DICER1: variants seen among roughly 807,000 people sequenced by gnomAD.
DICER1 encodes the protein endoribonuclease Dicer.
Under a neutral mutation model 194.1 loss-of-function variants are expected in DICER1, and 43 were observed. The observed-to-expected ratio is 0.22, with a 90% confidence interval of 0.17 to 0.29. DICER1 has a LOEUF of 0.29. Ranked by LOEUF, DICER1 falls within the 10% of genes least tolerant of loss-of-function variation. The probability of loss-of-function intolerance (pLI) is 1.00; values close to 1 mark genes in which losing one functional copy is unlikely to be tolerated. For synonymous variants in DICER1, 832 were observed against 820.5 expected (o/e 1.01, Z -0.24); for missense variants, 1,608 against 2,317.0 (o/e 0.69, Z 6.28).
At chr14:95,108,265 T>C (rs1423859642) in intron 15 of DICER1, 59 bp downstream of exon 15, 1 of 1,539,758 alleles carries the variant, frequency 6.5e-7, no homozygotes, top group Non-Finnish European at 9.0e-7. Flanking sequence ...TAGTTTTTTT[T>C]TTTTTCCTTT....
chr14:95,105,794 T>G lies in DICER1; in HGVS notation c.2988-11A>C. The G allele has an allele frequency of 6.2e-7, 1 of 1,607,206 alleles. No homozygotes were observed. The highest frequency in any genetic ancestry group is 8.5e-7 in the Non-Finnish European group (1 of 1,173,802). On this transcript the variant is annotated splice_polypyrimidine_tract_variant and intron_variant, in intron 18 of 26. Transcript: ENST00000343455. This position sits in a 1 kb window ranked among gnomAD's most constrained non-coding sequence, Gnocchi z 4.9. ...GTCAAAAGATTAAGTCTGTAAGAAT[T>G]CCAAAACAATTTTATCAAACACACA...
chr14:95,100,773 T>C (rs938847926), intron 21 of DICER1, among the ~76,000 whole-genome samples: 5 of 152,166 alleles, frequency 3.3e-5, no homozygotes, highest in African/African-American at 4.8e-5. Flanking sequence ...AACTCAACTA[T>C]TGTTTAATAG....
At chr14:95,135,173 G>C (rs568765060) in intron 1 of DICER1, among the ~76,000 whole-genome samples, 1 of 152,106 alleles carries the variant, frequency 6.6e-6, no homozygotes. Flanking sequence ...ATCCACTCTC[G>C]TGATACCTCC....
intron 1 of DICER1, among the ~76,000 whole-genome samples, chr14:95,145,085 T>G (rs535815995): frequency 3.1e-3 from 474 of 152,356 alleles, no homozygotes; most frequent in Non-Finnish European, 5.3e-3. Context: ...TAAGATGGTA[T>G]ATGAGCCTCT....
At chr14:95,113,977 G>A (rs996054875) in intron 11 of DICER1, among the ~76,000 whole-genome samples, 3 of 152,166 alleles carry the variant, frequency 2.0e-5, no homozygotes, top group African/African-American at 7.2e-5. Context: ...GAGAAAGGAG[G>A]TACAAAGACA....
intron 15 of DICER1, 66 bp downstream of exon 15, chr14:95,108,257 GT>G (rs34975585): frequency 0.032 from 35,361 of 1,107,086 alleles, 1 homozygote; most frequent in Non-Finnish European, 0.036. Flanking sequence ...CTTACTACTA[GT>G]TTTTTTTTTT....
At chr14:95,098,040 A>C (rs1238439778) in intron 22 of DICER1, among the ~76,000 whole-genome samples, 1 of 152,152 alleles carries the variant, frequency 6.6e-6, no homozygotes, top group Non-Finnish European at 1.5e-5. Context: ...TTTTATTGAA[A>C]AAAACCTTCT....
rs763155602 is a variant in DICER1, at chr14:95,096,506, A to C, written c.4414T>G (p.Phe1472Val). 1 of 1,614,184 alleles carries C rather than the reference A, an allele frequency of 6.2e-7. No homozygotes were observed. Among genetic ancestry groups the C allele is most frequent in the Admixed American group, 1.7e-5 (1 of 60,028 alleles). The change falls in exon 23 of 27, where the codon TTT (phenylalanine) becomes GTT (valine). Residue 1472 changes from phenylalanine (F) to valine (V), a missense_variant. By Grantham distance (50) the Phe-to-Val change is conservative. Around this residue, in one of 10 missense-constraint regions of DICER1, gnomAD observed 164 missense variants for 183.7 expected, o/e 0.89. Transcript: ENST00000343455. The part of the protein sequence containing the change: ...AFVKKISLSP[F>V]STTDSAYEWK... Reference sequence around the variant, plus strand: ...TCATATGCAGAATCAGTGGTTGAAAAAGGAGAAAGAGAGATTTTCTTTACA... The same window carrying C: ...TCATATGCAGAATCAGTGGTTGAAACAGGAGAAAGAGAGATTTTCTTTACA...
At chr14:95,117,797 G>A (rs1315831363) in intron 8 of DICER1, 43 bp from the exon 9 acceptor site, 1 of 1,599,728 alleles carries the variant, frequency 6.3e-7, no homozygotes, top group South Asian at 1.1e-5. Context: ...GTTGCTGAAA[G>A]AAAATAAACT....
At chr14:95,147,219 A>AT (rs1895194572) in intron 1 of DICER1, among the ~76,000 whole-genome samples, 1 of 152,152 alleles carries the variant, frequency 6.6e-6, no homozygotes, top group African/African-American at 2.4e-5. Context: ...AATCCCAGCA[A>AT]TTTGGGAGGC....
rs1894119538 is a variant in DICER1, at chr14:95,133,363, C to T, written c.96G>A (p.Trp32Ter). Residue 32 changes from tryptophan (W) to a stop codon, truncating the protein, a stop_gained, in exon 2 of 27, where the codon TGG becomes TGA. Coordinates refer to ENST00000343455, the MANE Select transcript of DICER1 (RefSeq NM_177438.3). LOFTEE classifies it high-confidence loss of function. ...TGTTATCATGAATTGCTTCTTGTTG[C>T]CATGGCAGTCCAAAGAAAGGACCCA... ...SPMGPFFGLP[W>*]QQEAIHDNIY... 6.2e-7 allele frequency: 1 copy of T among 1,614,080 alleles called. No homozygotes were observed. Among genetic ancestry groups the T allele is most frequent in the African/African-American group, 1.3e-5 (1 of 75,024 alleles).
Position 95,104,067 on chromosome 14 carries a change from A to C in DICER1, c.3329T>G (p.Ile1110Ser), listed in dbSNP as rs759760077. 22 of 1,613,984 alleles carry C rather than the reference A, an allele frequency of 1.4e-5. No individual in the cohort carries two copies. Among genetic ancestry groups the C allele is most frequent in the East Asian group, 4.5e-5 (2 of 44,902 alleles). Residue 1110 changes from isoleucine to serine, a missense_variant, in exon 21 of 27, where the codon ATT becomes AGT. This residue lies in a region of DICER1 where 222 missense variants were observed against 215.5 expected (regional missense o/e 1.03). Coordinates refer to ENST00000343455, the MANE Select transcript of DICER1 (RefSeq NM_177438.3). ...ATTTTCAGCTGAAGAGGAGTTAGAA[A>C]TTGAGATGAAAGATTTGCTGTCAAT... Reference protein sequence around the residue: ...KSIDSKSFISISNSSSAENDN... With the variant: ...KSIDSKSFISSSNSSSAENDN...
chr14:95,119,766 G>A (rs188102422), intron 8 of DICER1, among the ~76,000 whole-genome samples: 4 of 152,270 alleles, frequency 2.6e-5, no homozygotes, highest in Admixed American at 2.6e-4. Context: ...TTTCATAAAA[G>A]TGAATGACTA....
intron 1 of DICER1, among the ~76,000 whole-genome samples, chr14:95,137,292 G>A (rs1380405479): frequency 1.5e-5 from 2 of 132,126 alleles, no homozygotes; most frequent in African/African-American, 2.9e-5. Flanking sequence ...GGAAGGGAAA[G>A]GCAAAAGAAA....
chr14:95,138,403 T>C (rs1407560095), intron 1 of DICER1, among the ~76,000 whole-genome samples: 3 of 151,182 alleles, frequency 2.0e-5, no homozygotes, highest in Non-Finnish European at 4.4e-5. Flanking sequence ...AGATACATTA[T>C]ATAGTAAAAA....
chr14:95,127,268 G>A (rs1893555644), intron 6 of DICER1, among the ~76,000 whole-genome samples: 1 of 152,096 alleles, frequency 6.6e-6, no homozygotes, highest in African/African-American at 2.4e-5. Flanking sequence ...CCATTTATAG[G>A]TCTAACTCCA....
chr14:95,143,317 A>T (rs1211057390), intron 1 of DICER1, among the ~76,000 whole-genome samples: 1 of 152,214 alleles, frequency 6.6e-6, no homozygotes, highest in Non-Finnish European at 1.5e-5. Flanking sequence ...AATACAAATT[A>T]AAAATAAGAG....
intron 23 of DICER1, among the ~76,000 whole-genome samples, chr14:95,094,827 C>T (rs750428788): frequency 6.6e-5 from 10 of 152,176 alleles, no homozygotes; most frequent in Admixed American, 3.3e-4. Flanking sequence ...CCTCTATTTT[C>T]TCACAGTGAT....
In DICER1 at chr14:95,116,543, C is replaced by T. The variant is rs762692206; in HGVS notation, c.1662G>A (p.Arg554=). 1 of 1,613,520 alleles carries T rather than the reference C, an allele frequency of 6.2e-7. No homozygotes were observed. Among genetic ancestry groups the T allele is most frequent in the Non-Finnish European group, 8.5e-7 (1 of 1,179,870 alleles). The change falls in exon 10 of 27, where the codon AGG becomes AGA. Residue 554 remains arginine, a synonymous_variant. Transcript: ENST00000343455. ...ACATTATATAATTAGAGATGGGTGCCCTTGCTCTTCCTTTAGATTGAACAT... is the reference window on the plus strand; with the variant it reads ...ACATTATATAATTAGAGATGGGTGCTCTTGCTCTTCCTTTAGATTGAACAT... The part of the protein sequence containing the change: ...RSYVQSKGRA[R]APISNYIMLA...
Sources: allele counts gnomAD v4.1 joint callset (sites outside exome capture counted in the v4.1 genomes callset), GRCh38; gene constraint gnomAD v4.1.1; regional missense constraint gnomAD v4.1.1; non-coding constraint Gnocchi (gnomAD v3.1); transcripts MANE v1.5; gene names NCBI Gene and HGNC (gene_info 2026-07-23, HGNC 2026-07-21).